Variants in SLCO1B1 observed in about 807,000 individuals in gnomAD.
SLCO1B1 encodes the protein OATP-2.
SLCO1B1 carries 81 observed loss-of-function variants against 70.1 expected under a neutral mutation model. That is an observed-to-expected ratio of 1.16 (90% CI 0.97 to 1.39). SLCO1B1 has a LOEUF of 1.39. Ranked by LOEUF, SLCO1B1 falls within the 40% of genes most tolerant of loss-of-function variation. The pLI is 0.00. For synonymous variants in SLCO1B1, 283 were observed against 271.5 expected, an observed-to-expected ratio of 1.04 and a Z score of -0.42; for missense variants, 895 against 799.6, an observed-to-expected ratio of 1.12 and a Z score of -1.44.
At chr12:21,202,893 GTAATAA>G (rs1729352458) in intron 10 of SLCO1B1, among the ~76,000 whole-genome samples, 1 of 152,044 alleles carries the variant, frequency 6.6e-6, no homozygotes, top group South Asian at 2.1e-4. Context: ...AACATAGGTT[GTAATAA>G]TAATAACTAT....
chr12:21,148,245 G>T (rs1940413972), intron 2 of SLCO1B1, among the ~76,000 whole-genome samples: 1 of 152,094 alleles, frequency 6.6e-6, no homozygotes, highest in Admixed American at 6.5e-5. Context: ...GGTTTTTGTT[G>T]CCATTGCTTT....
chr12:21,190,755 G>A (rs1461627956), intron 7 of SLCO1B1, among the ~76,000 whole-genome samples: 1 of 152,014 alleles, frequency 6.6e-6, no homozygotes, highest in East Asian at 1.9e-4. Context: ...CCAATGATAA[G>A]TGAGAACATA....
chr12:21,235,081 A>AT (rs61184106), intron 14 of SLCO1B1, among the ~76,000 whole-genome samples: 32,806 of 135,706 alleles, frequency 0.24, 4,062 homozygotes, highest in East Asian at 0.45. Flanking sequence ...TTCAAGTCGA[A>AT]TTTTTTTTTT....
In SLCO1B1 at chr12:21,144,839, A is replaced by G. The variant is rs923312538; in HGVS notation, c.84+3181A>G. 2.0e-5 allele frequency among the ~76,000 whole-genome samples: 3 copies of G among 152,184 alleles called. No homozygotes were observed. In the East Asian group the frequency reaches 5.8e-4, roughly 29 times the overall value. On this transcript the variant is annotated intron_variant, in intron 2 of 14. Transcript: ENST00000256958. ...TAAGCTTCATAAGTAAAGAAAAAAT[A>G]TTATTTTCGGTCAAGCAAATGCTAA...
chr12:21,142,136 G>C (rs1381381921), intron 2 of SLCO1B1, among the ~76,000 whole-genome samples: 1 of 151,242 alleles, frequency 6.6e-6, no homozygotes, highest in Non-Finnish European at 1.5e-5. Context: ...ATGGAACGGA[G>C]GTCTATGATA....
chr12:21,219,737 A>C (rs1474177233), intron 12 of SLCO1B1, among the ~76,000 whole-genome samples: 3 of 152,046 alleles, frequency 2.0e-5, no homozygotes, highest in Non-Finnish European at 4.4e-5. Flanking sequence ...TATGAGTCTC[A>C]GTTGTTTTGC....
intron 2 of SLCO1B1, among the ~76,000 whole-genome samples, chr12:21,152,533 C>CTTGTTTTTTTTTTTTTTTTT (rs1940485091): frequency 1.7e-4 from 6 of 34,358 alleles, no homozygotes; most frequent in Non-Finnish European, 2.1e-4. Context: ...AGAGGAGAGG[C>CTTGTTTTTTTTTTTTTTTTT]TTTTTTTTTT....
intron 14 of SLCO1B1, among the ~76,000 whole-genome samples, chr12:21,226,421 G>GAA (rs147741557): frequency 2.0e-5 from 3 of 148,466 alleles, no homozygotes; most frequent in East Asian, 2.0e-4. Context: ...CTCAAAAAAA[G>GAA]AAAAAAAAAG....
chr12:21,187,613 A>G (rs1940977971), intron 7 of SLCO1B1, among the ~76,000 whole-genome samples: 1 of 152,168 alleles, frequency 6.6e-6, no homozygotes, highest in Non-Finnish European at 1.5e-5. Context: ...CCTGATAGGC[A>G]GAACATCATA....
intron 4 of SLCO1B1, among the ~76,000 whole-genome samples, chr12:21,176,310 C>G (rs565106945): frequency 3.3e-5 from 5 of 152,146 alleles, no homozygotes; most frequent in African/African-American, 1.2e-4. Context: ...CAAGTTTTCT[C>G]TCATCTAGTT....
intron 8 of SLCO1B1, among the ~76,000 whole-genome samples, chr12:21,198,011 A>T (rs1226511233): frequency 6.6e-5 from 10 of 152,144 alleles, no homozygotes; most frequent in African/African-American, 2.4e-4. Context: ...GATTTGGGAG[A>T]AATGGTGAAA....
At position 21,209,349 on chromosome 12, in the gene SLCO1B1, T is replaced by G. The variant is rs1301933042; in HGVS notation, c.1497+3316T>G. 6.6e-5 allele frequency among the ~76,000 whole-genome samples: 10 copies of G among 151,896 alleles called. No individual in the cohort carries two copies. The East Asian group carries it at 1.2e-3, about 18-fold the overall frequency. On this transcript the variant is annotated intron_variant, in intron 11 of 14. Transcript: ENST00000256958. ...TTGCAACAGTTTACTGAGAATGATG[T>G]TTTCCAGTTTCATCCATGTCCCTAC...
chr12:21,166,502 G>A (rs1290578222), intron 2 of SLCO1B1, among the ~76,000 whole-genome samples: 1 of 152,086 alleles, frequency 6.6e-6, no homozygotes, highest in Non-Finnish European at 1.5e-5. Context: ...CCTCACTGAA[G>A]AAGATATAGA....
At chr12:21,163,551 C>G (rs1940648120) in intron 2 of SLCO1B1, among the ~76,000 whole-genome samples, 1 of 152,092 alleles carries the variant, frequency 6.6e-6, no homozygotes, top group African/African-American at 2.4e-5. Context: ...GACAAAAATA[C>G]CACAGACTGG....
chr12:21,220,962 G>A lies in SLCO1B1; in HGVS notation c.1683-1338G>A, dbSNP rs1941416785. Among the ~76,000 whole-genome samples, 4 of 152,130 alleles carry A rather than the reference G, an allele frequency of 2.6e-5. 1 individual carries two copies. Among genetic ancestry groups the A allele is most frequent in the South Asian group, 4.1e-4 (2 of 4,826 alleles). On this transcript the variant is annotated intron_variant, in intron 12 of 14. Coordinates refer to ENST00000256958, the MANE Select transcript of SLCO1B1 (RefSeq NM_006446.5). Reference sequence around the variant, plus strand: ...ATCAAGTTGTTTTTATTCTAGGGATGAAGGGTTGGTTCAACATATATAAAT... The same window carrying A: ...ATCAAGTTGTTTTTATTCTAGGGATAAAGGGTTGGTTCAACATATATAAAT...
At position 21,197,026 on chromosome 12, in the gene SLCO1B1, A is replaced by G; in HGVS notation, c.808A>G (p.Ile270Val). The G allele has an allele frequency of 2.5e-6, 4 of 1,613,736 alleles. No individual in the cohort carries two copies. Among genetic ancestry groups the G allele is most frequent in the East Asian group, 2.2e-5 (1 of 44,836 alleles). Reference protein sequence around the residue: ...LNFLVSGLFSIISSIPFFFLP... With the variant: ...LNFLVSGLFSVISSIPFFFLP... Reference sequence around the variant, plus strand: ...TTTCCTTGTGTCTGGACTATTCTCCATTATTTCTTCCATACCATTCTTTTT... The same window carrying G: ...TTTCCTTGTGTCTGGACTATTCTCCGTTATTTCTTCCATACCATTCTTTTT... Residue 270 changes from isoleucine to valine, a missense_variant, in exon 8 of 15, where the codon ATT (isoleucine) becomes GTT (valine). Physicochemically the swap from Ile to Val is conservative, Grantham distance 29. Coordinates refer to ENST00000256958, the MANE Select transcript of SLCO1B1 (RefSeq NM_006446.5).
At chr12:21,191,575 G>T (rs1161586983) in intron 7 of SLCO1B1, among the ~76,000 whole-genome samples, 1 of 152,046 alleles carries the variant, frequency 6.6e-6, no homozygotes, top group Non-Finnish European at 1.5e-5. Flanking sequence ...CATGCCATCT[G>T]CAAGTAGAGG....
At chr12:21,151,205 A>G (rs1262058346) in intron 2 of SLCO1B1, among the ~76,000 whole-genome samples, 1 of 152,216 alleles carries the variant, frequency 6.6e-6, no homozygotes, top group Non-Finnish European at 1.5e-5. Context: ...GAAAAGATAA[A>G]GTAAAAATAT....
intron 4 of SLCO1B1, 58 bp from the exon 5 acceptor site, chr12:21,176,718 G>GAAAAGTGAAAA (rs1940825232): frequency 7.5e-7 from 1 of 1,329,574 alleles, no homozygotes; most frequent in Admixed American, 1.7e-5. Flanking sequence ...GTATTTCTAG[G>GAAAAGTGAAAA]AAAAGTGAAA....
Sources: gnomAD v4.1 joint callset for allele counts (sites outside exome capture counted in the v4.1 genomes callset) on GRCh38, gnomAD v4.1.1 for gene constraint, MANE v1.5 for transcripts, NCBI Gene and HGNC (gene_info 2026-07-23, HGNC 2026-07-21) for gene names.